The following TCF12 variants were observed in gnomAD, a reference collection of about 807,000 sequenced individuals.
TCF12 encodes transcription factor 12.
A neutral mutation model predicts 86.0 loss-of-function variants in TCF12; 45 were observed. The observed-to-expected ratio is 0.52, with a 90% CI of 0.41 to 0.67. The LOEUF (loss-of-function observed/expected upper bound fraction) is 0.67, where lower values mean the gene tolerates loss of function less well. Ranked by LOEUF, TCF12 falls within the 30% of genes least tolerant of loss-of-function variation. The pLI is 0.00. For missense variants in TCF12, 881 were observed against 859.9 expected (o/e 1.02, Z -0.31); for synonymous variants, 330 against 299.6 (o/e 1.10, Z -1.05).
chr15:57,212,937 A>G (rs72733918), intron 8 of TCF12, among the ~76,000 whole-genome samples: 8,018 of 152,248 alleles, frequency 0.053, 274 homozygotes, highest in South Asian at 0.078. Flanking sequence ...AGCCCATCTT[A>G]TATTACATAG....
chr15:57,156,566 A>G (rs1252215942), intron 5 of TCF12, among the ~76,000 whole-genome samples: 2 of 152,220 alleles, frequency 1.3e-5, no homozygotes, highest in East Asian at 3.8e-4. Context: ...ATTAACAATC[A>G]TTTATTATAC....
intron 3 of TCF12, among the ~76,000 whole-genome samples, chr15:57,046,927 C>T (rs575300583): frequency 1.3e-5 from 2 of 152,264 alleles, no homozygotes; most frequent in African/African-American, 4.8e-5. Context: ...CATATTTTAC[C>T]CATCTTTTCC....
At chr15:57,271,086 C>G (rs1440325528) in intron 18 of TCF12, among the ~76,000 whole-genome samples, 1 of 152,198 alleles carries the variant, frequency 6.6e-6, no homozygotes, top group Non-Finnish European at 1.5e-5. Context: ...CTGGGAGAAC[C>G]ACTGTTCTCT....
intron 5 of TCF12, among the ~76,000 whole-genome samples, chr15:57,149,540 T>C (rs2414494): frequency 0.39 from 58,557 of 152,084 alleles, 14,107 homozygotes; most frequent in Non-Finnish European, 0.53. Flanking sequence ...ATTCAAAGTA[T>C]TTTAGAAATA....
rs554700786 is a variant in TCF12, at chr15:57,020,441, C to T, written c.149-43309C>T. Among the ~76,000 whole-genome samples the T allele has an allele frequency of 1.6e-3, 239 of 152,210 alleles. 1 individual carries two copies. The highest frequency in any genetic ancestry group is 5.5e-3 in the African/African-American group (229 of 41,532). ...GTAGGTTAACCCTTTTAAAAGGGTA[C>T]TTTATTTTCATTTGGAAAAAGTGTG... On this transcript the variant is annotated intron_variant, in intron 3 of 20. Coordinates refer to ENST00000333725, the MANE Select transcript of TCF12 (RefSeq NM_207037.2).
chr15:57,042,294 C>A (rs1392795804), intron 3 of TCF12, among the ~76,000 whole-genome samples: 1 of 151,840 alleles, frequency 6.6e-6, no homozygotes, highest in Non-Finnish European at 1.5e-5. Flanking sequence ...CGAAGGGAAA[C>A]AAAAGTAGTA....
chr15:57,162,413 G>A (rs936026819), intron 5 of TCF12, among the ~76,000 whole-genome samples: 1 of 152,132 alleles, frequency 6.6e-6, no homozygotes, highest in Non-Finnish European at 1.5e-5. Context: ...CTTAGACTGA[G>A]TATGCATTAT....
At chr15:57,112,228 A>C (rs1167951028) in intron 5 of TCF12, among the ~76,000 whole-genome samples, 1 of 152,184 alleles carries the variant, frequency 6.6e-6, no homozygotes, top group African/African-American at 2.4e-5. Context: ...AATATCCTCC[A>C]GGCGGGAATA....
intron 3 of TCF12, among the ~76,000 whole-genome samples, chr15:56,971,277 A>C (rs2062302890): frequency 6.6e-6 from 1 of 151,932 alleles, no homozygotes; most frequent in Non-Finnish European, 1.5e-5. Context: ...CAAAAAAAAA[A>C]ATTAGCTGGG....
chr15:57,003,364 A>G (rs1303964465), intron 3 of TCF12, among the ~76,000 whole-genome samples: 1 of 152,336 alleles, frequency 6.6e-6, no homozygotes, highest in African/African-American at 2.4e-5. Flanking sequence ...AGACATATAT[A>G]TTGTTGATTC....
chr15:56,981,554 T>C (rs2062892732), intron 3 of TCF12, among the ~76,000 whole-genome samples: 1 of 152,176 alleles, frequency 6.6e-6, no homozygotes, highest in Non-Finnish European at 1.5e-5. Context: ...ACATGAGTTT[T>C]GGAGGGGCCA....
chr15:57,187,759 A>G (rs2056758444), intron 6 of TCF12, among the ~76,000 whole-genome samples: 1 of 152,024 alleles, frequency 6.6e-6, no homozygotes, highest in South Asian at 2.1e-4. Context: ...GTGAAACCCC[A>G]TCTCTATGAA....
chr15:57,151,118 C>G (rs536505742), intron 5 of TCF12, among the ~76,000 whole-genome samples: 1 of 150,174 alleles, frequency 6.7e-6, no homozygotes, highest in South Asian at 2.1e-4. Flanking sequence ...GCTAGGACTG[C>G]AAGGATGCAC....
chr15:57,144,736 C>G (rs138067585), intron 5 of TCF12, among the ~76,000 whole-genome samples: 1 of 152,248 alleles, frequency 6.6e-6, no homozygotes, highest in Non-Finnish European at 1.5e-5. Context: ...GTAGCTGGGA[C>G]TACAGTCACA....
chr15:57,227,174 T>G (rs2058926091), intron 8 of TCF12, among the ~76,000 whole-genome samples: 1 of 152,142 alleles, frequency 6.6e-6, no homozygotes, highest in Admixed American at 6.5e-5. Context: ...TTGTCTTATC[T>G]GAATGTGACT....
intron 13 of TCF12, chr15:57,247,930 G>A: frequency 2.6e-6 from 2 of 758,218 alleles, no homozygotes; most frequent in Non-Finnish European, 4.8e-6. Flanking sequence ...CAGACCACCA[G>A]TAAAAAGTTT....
chr15:56,958,676 A>AGTGTGTGTGTGTGTGTGT (rs1324930525), intron 3 of TCF12, among the ~76,000 whole-genome samples: 2 of 92,474 alleles, frequency 2.2e-5, no homozygotes, highest in South Asian at 4.1e-4. Flanking sequence ...AGAGAGAGAG[A>AGTGTGTGTGTGTGTGTGT]GAGTGTGTGT....
At chr15:56,974,230 G>A (rs1433585534) in intron 3 of TCF12, among the ~76,000 whole-genome samples, 5 of 152,016 alleles carry the variant, frequency 3.3e-5, no homozygotes, top group African/African-American at 1.2e-4. Context: ...AATATATAGA[G>A]TAATAAAGTA....
intron 7 of TCF12, among the ~76,000 whole-genome samples, chr15:57,193,934 G>A (rs2057116432): frequency 6.6e-6 from 1 of 152,164 alleles, no homozygotes; most frequent in African/African-American, 2.4e-5. Flanking sequence ...AATTGTAAAT[G>A]CATTTTTCCA....
Sources: gnomAD v4.1 joint callset for allele counts (sites outside exome capture counted in the v4.1 genomes callset) on GRCh38, gnomAD v4.1.1 for gene constraint, MANE v1.5 for transcripts, NCBI Gene and HGNC (gene_info 2026-07-23, HGNC 2026-07-21) for gene names.